CCDC178: variants seen among roughly 807,000 people sequenced by gnomAD.
CCDC178 encodes coiled-coil domain containing 178.
Under a neutral mutation model 117.4 loss-of-function variants are expected in CCDC178, and 126 were observed. The observed-to-expected ratio is 1.07, with a 90% CI of 0.93 to 1.24. CCDC178 has a LOEUF of 1.24. Ranked by LOEUF, CCDC178 falls within the 50% of genes most tolerant of loss-of-function variation. The pLI is 0.00. For missense variants in CCDC178, 1,030 were observed against 986.9 expected (o/e 1.04, Z -0.59); for synonymous variants, 283 against 313.4 (o/e 0.90, Z 1.02).
At chr18:33,106,241 G>A (rs565027105) in intron 20 of CCDC178, among the ~76,000 whole-genome samples, 11 of 151,602 alleles carry the variant, frequency 7.3e-5, no homozygotes, top group South Asian at 2.1e-4. Context: ...TAACCCTGCC[G>A]ATGTCAAACC....
intron 5 of CCDC178, among the ~76,000 whole-genome samples, chr18:33,375,473 G>T (rs1257358136): frequency 6.6e-6 from 1 of 152,130 alleles, no homozygotes; most frequent in African/African-American, 2.4e-5. Flanking sequence ...TCCTGGCATT[G>T]AGAGTAAGGA....
chr18:33,403,075 T>G (rs543931860), intron 3 of CCDC178, among the ~76,000 whole-genome samples: 2 of 152,318 alleles, frequency 1.3e-5, no homozygotes, highest in South Asian at 2.1e-4. Context: ...TTTGAGGATT[T>G]GGCACACACA....
intron 21 of CCDC178, among the ~76,000 whole-genome samples, chr18:32,994,610 T>C (rs1243335072): frequency 1.3e-5 from 2 of 152,168 alleles, no homozygotes; most frequent in Non-Finnish European, 1.5e-5. Context: ...TATACAAAAT[T>C]GAACAGAAAA....
chr18:32,961,061 A>T (rs2054694344), intron 22 of CCDC178, among the ~76,000 whole-genome samples: 1 of 152,102 alleles, frequency 6.6e-6, no homozygotes. Flanking sequence ...TAAAACAATC[A>T]TATGTAGCTA....
At chr18:33,197,204 A>G (rs1026512474) in intron 20 of CCDC178, among the ~76,000 whole-genome samples, 1 of 151,922 alleles carries the variant, frequency 6.6e-6, no homozygotes, top group Non-Finnish European at 1.5e-5. Flanking sequence ...ATTTTTAAAA[A>G]TTTCCATAAT....
At chr18:33,068,013 C>G (rs2057047268) in intron 21 of CCDC178, among the ~76,000 whole-genome samples, 1 of 151,770 alleles carries the variant, frequency 6.6e-6, no homozygotes, top group South Asian at 2.1e-4. Flanking sequence ...CACAGAAATA[C>G]AAAGGATTAT....
chr18:33,156,777 C>T (rs142669479), intron 20 of CCDC178, among the ~76,000 whole-genome samples: 6 of 152,074 alleles, frequency 3.9e-5, no homozygotes, highest in African/African-American at 1.4e-4. Context: ...ATTTCCACTA[C>T]GAGAGTTTCT....
chr18:33,376,233 A>T (rs1599240440), intron 5 of CCDC178, among the ~76,000 whole-genome samples: 2 of 151,786 alleles, frequency 1.3e-5, no homozygotes, highest in African/African-American at 4.8e-5. Flanking sequence ...CAACTGCTTG[A>T]CCATCACCTG....
intron 14 of CCDC178, among the ~76,000 whole-genome samples, chr18:33,258,087 T>TA (rs36100411): frequency 0.067 from 10,235 of 152,180 alleles, 509 homozygotes; most frequent in African/African-American, 0.14. Flanking sequence ...TTAATTATTA[T>TA]ATTTTTTTGA....
chr18:33,214,372 G>A (rs2059141625), intron 19 of CCDC178, among the ~76,000 whole-genome samples: 1 of 151,966 alleles, frequency 6.6e-6, no homozygotes, highest in East Asian at 1.9e-4. Context: ...TCCTTTTCTT[G>A]TTGGAAGGCA....
intron 21 of CCDC178, among the ~76,000 whole-genome samples, chr18:33,003,783 A>G (rs1416445141): frequency 1.3e-5 from 2 of 152,150 alleles, no homozygotes; most frequent in African/African-American, 4.8e-5. Flanking sequence ...GGAAAAACCT[A>G]AAGACGCCAC....
At chr18:33,249,979 T>C (rs2059599880) in intron 14 of CCDC178, among the ~76,000 whole-genome samples, 1 of 152,012 alleles carries the variant, frequency 6.6e-6, no homozygotes, top group Non-Finnish European at 1.5e-5. Flanking sequence ...GAAGAGTTCC[T>C]TCACATCCCT....
intron 20 of CCDC178, among the ~76,000 whole-genome samples, chr18:33,209,706 A>C (rs966219990): frequency 6.6e-6 from 1 of 152,064 alleles, no homozygotes; most frequent in African/African-American, 2.4e-5. Context: ...TAAACTCTGC[A>C]TCTTCAGACT....
At chr18:33,396,466 A>C (rs77427334) in intron 4 of CCDC178, among the ~76,000 whole-genome samples, 6,030 of 152,236 alleles carry the variant, frequency 0.04, 157 homozygotes, top group South Asian at 0.058. Flanking sequence ...AGAGAAACTC[A>C]CACAGGATAT....
intron 20 of CCDC178, among the ~76,000 whole-genome samples, chr18:33,156,219 G>C (rs2058394881): frequency 6.6e-6 from 1 of 150,386 alleles, no homozygotes; most frequent in Non-Finnish European, 1.5e-5. Context: ...CACCCGAGTA[G>C]CTGGGATTAA....
chr18:33,322,397 G>C (rs2062524053), intron 11 of CCDC178, among the ~76,000 whole-genome samples: 1 of 151,790 alleles, frequency 6.6e-6, no homozygotes. Context: ...TTGATCTAAT[G>C]AAAGAGTAAC....
At chr18:33,168,044 T>G (rs2058554505) in intron 20 of CCDC178, among the ~76,000 whole-genome samples, 1 of 152,168 alleles carries the variant, frequency 6.6e-6, no homozygotes, top group Admixed American at 6.5e-5. Context: ...GTTGTCTGTT[T>G]ACTCTGTGGA....
At chr18:32,956,226 G>A (rs1277811977) in intron 22 of CCDC178, among the ~76,000 whole-genome samples, 2 of 152,098 alleles carry the variant, frequency 1.3e-5, no homozygotes, top group Non-Finnish European at 2.9e-5. Context: ...TTATTTTCAT[G>A]TCTTGTATTT....
intron 20 of CCDC178, among the ~76,000 whole-genome samples, chr18:33,193,447 G>A (rs1397564629): frequency 1.3e-5 from 2 of 151,984 alleles, no homozygotes; most frequent in Non-Finnish European, 2.9e-5. Flanking sequence ...TATATGGAGA[G>A]GAATTCACAT....
Sources: gnomAD v4.1 joint callset for allele counts (sites outside exome capture counted in the v4.1 genomes callset) on GRCh38, gnomAD v4.1.1 for gene constraint, MANE v1.5 for transcripts, NCBI Gene and HGNC (gene_info 2026-07-23, HGNC 2026-07-21) for gene names.